ATP9B: variants seen among roughly 807,000 people sequenced by gnomAD.
ATP9B encodes the protein probable phospholipid-transporting ATPase IIB.
Under a neutral mutation model 146.1 loss-of-function variants are expected in ATP9B, and 110 were observed. That is an observed-to-expected ratio of 0.75 (90% CI 0.65 to 0.88). ATP9B has a LOEUF of 0.88. Among genes scored for constraint, ATP9B ranks in the 40% least tolerant of loss-of-function variants. The pLI, the probability that ATP9B is intolerant of heterozygous loss-of-function variation, is 0.00. For synonymous variants in ATP9B, 604 were observed against 569.7 expected, an observed-to-expected ratio of 1.06 and a Z score of -0.86; for missense variants, 1,499 against 1,496.4, an observed-to-expected ratio of 1.00 and a Z score of -0.03.
intron 4 of ATP9B, among the ~76,000 whole-genome samples, chr18:79,122,509 T>C (rs553035528): frequency 4.6e-5 from 7 of 152,332 alleles, no homozygotes; most frequent in Non-Finnish European, 1.0e-4. Context: ...CAAGGAAATA[T>C]AGCATTTCAT....
chr18:79,100,237 T>G (rs1396024466), intron 2 of ATP9B, among the ~76,000 whole-genome samples: 1 of 152,242 alleles, frequency 6.6e-6, no homozygotes, highest in African/African-American at 2.4e-5. Flanking sequence ...ATAATTTGTA[T>G]TTTTCAGTTG....
chr18:79,164,559 CA>C (rs919892688), intron 7 of ATP9B, among the ~76,000 whole-genome samples: 37 of 148,368 alleles, frequency 2.5e-4, no homozygotes, highest in East Asian at 2.0e-3. Flanking sequence ...ACTAAAAATA[CA>C]AAAAAAAAAT....
chr18:79,157,891 C>G (rs923451785), intron 7 of ATP9B, among the ~76,000 whole-genome samples: 1 of 151,888 alleles, frequency 6.6e-6, no homozygotes, highest in Non-Finnish European at 1.5e-5. Context: ...TTGAACTCTT[C>G]TCTCTTTTTT....
At chr18:79,280,477 G>A (rs910956124) in intron 13 of ATP9B, among the ~76,000 whole-genome samples, 3 of 152,170 alleles carry the variant, frequency 2.0e-5, no homozygotes, top group African/African-American at 7.2e-5. Flanking sequence ...CAAAATGTTT[G>A]TGTACTTAAT....
chr18:79,359,452 ACCTCACCAAGGTACGGG>A lies in ATP9B; in HGVS notation c.3008_3012+12del, dbSNP rs754658512. On this transcript the variant is annotated splice_donor_variant and splice_donor_5th_base_variant and coding_sequence_variant and intron_variant, in exon 26 of 30. Coordinates refer to ENST00000426216, the MANE Select transcript of ATP9B (RefSeq NM_198531.5). LOFTEE classifies it high-confidence loss of function. ...ATGCTCTACCCGGAGCTGTACAAGG[ACCTCACCAAGGTACGGG>A]CCTCAGGCAAGCTGTCTGCCTCACG... is the stretch of plus-strand genomic sequence containing the variant. The A allele has an allele frequency of 3.1e-6, 5 of 1,613,434 alleles. No homozygotes were observed. Among genetic ancestry groups the A allele is most frequent in the Non-Finnish European group, 4.2e-6 (5 of 1,179,460 alleles).
intron 2 of ATP9B, among the ~76,000 whole-genome samples, chr18:79,099,771 C>T: frequency 6.6e-6 from 1 of 151,688 alleles, no homozygotes; most frequent in Non-Finnish European, 1.5e-5. Flanking sequence ...CTGTTTTTTG[C>T]AGTTATTTTT....
chr18:79,154,204 G>T (rs11872480), intron 6 of ATP9B, among the ~76,000 whole-genome samples: 1 of 151,046 alleles, frequency 6.6e-6, no homozygotes, highest in Non-Finnish European at 1.5e-5. Flanking sequence ...CTCATGATCC[G>T]CCTGCCTCGG....
intron 25 of ATP9B, among the ~76,000 whole-genome samples, chr18:79,348,943 C>T (rs565865643): frequency 6.6e-6 from 1 of 152,334 alleles, no homozygotes; most frequent in African/African-American, 2.4e-5. Context: ...AAGATCGTGC[C>T]ATTGCACTCC....
chr18:79,376,374 T>C (rs2097103411), intron 29 of ATP9B: 4 of 984,674 alleles, frequency 4.1e-6, no homozygotes, highest in Non-Finnish European at 4.8e-6. Flanking sequence ...TTGGTGACAT[T>C]AGTCATCTGC....
intron 10 of ATP9B, 94 bp downstream of exon 10, chr18:79,207,106 C>A: frequency 8.1e-7 from 1 of 1,236,658 alleles, no homozygotes; most frequent in South Asian, 1.3e-5. Context: ...CTCACAGTGC[C>A]CTGAAATATT....
chr18:79,094,706 T>C (rs2074640671), intron 1 of ATP9B, among the ~76,000 whole-genome samples: 1 of 152,238 alleles, frequency 6.6e-6, no homozygotes, highest in Non-Finnish European at 1.5e-5. Context: ...TTGTGGGCAA[T>C]GCAGATAGAG....
At chr18:79,113,414 A>C in intron 4 of ATP9B, 60 bp downstream of exon 4, 1 of 1,064,678 alleles carries the variant, frequency 9.4e-7, no homozygotes, top group Non-Finnish European at 1.4e-6. Context: ...TAGTTTTAAG[A>C]GTTGAGATGG....
chr18:79,230,612 G>A (rs917764555), intron 11 of ATP9B, among the ~76,000 whole-genome samples: 2 of 152,052 alleles, frequency 1.3e-5, no homozygotes, highest in African/African-American at 2.4e-5. Context: ...GCTCATGGAT[G>A]GGTAGAATCA....
At chr18:79,224,924 AAG>A (rs1299806505) in intron 11 of ATP9B, among the ~76,000 whole-genome samples, 1 of 152,184 alleles carries the variant, frequency 6.6e-6, no homozygotes, top group African/African-American at 2.4e-5. Flanking sequence ...ACTGGGAGAA[AAG>A]GGCGACCTGT....
At chr18:79,180,465 G>T (rs555498618) in intron 8 of ATP9B, among the ~76,000 whole-genome samples, 33 of 152,272 alleles carry the variant, frequency 2.2e-4, no homozygotes, top group African/African-American at 6.7e-4. Flanking sequence ...CACAGTAGAT[G>T]CCCATGGCTT....
chr18:79,140,862 C>T (rs565716800), intron 5 of ATP9B, among the ~76,000 whole-genome samples: 1 of 152,182 alleles, frequency 6.6e-6, no homozygotes, highest in South Asian at 2.1e-4. Flanking sequence ...ATTTGTTGTT[C>T]ATGGGAACAA....
intron 6 of ATP9B, 102 bp from the exon 7 acceptor site, chr18:79,154,402 A>G: frequency 1.3e-6 from 1 of 768,644 alleles, no homozygotes; most frequent in Non-Finnish European, 2.1e-6. Flanking sequence ...TTTTAATTAT[A>G]TTATCTTAGT....
chr18:79,157,418 A>AAAAAAAAAAC (rs1568297350), intron 7 of ATP9B, among the ~76,000 whole-genome samples: 2 of 150,636 alleles, frequency 1.3e-5, no homozygotes, highest in East Asian at 1.9e-4. Flanking sequence ...AAAAAAAAAA[A>AAAAAAAAAAC]AAAAAACATG....
intron 7 of ATP9B, among the ~76,000 whole-genome samples, chr18:79,163,104 T>TA (rs1222679593): frequency 6.6e-6 from 1 of 152,224 alleles, no homozygotes; most frequent in Non-Finnish European, 1.5e-5. Flanking sequence ...TGCTTTCTGT[T>TA]AAAAAATTAT....
Sources: gnomAD v4.1 joint callset for allele counts (sites outside exome capture counted in the v4.1 genomes callset) on GRCh38, gnomAD v4.1.1 for gene constraint, MANE v1.5 for transcripts, NCBI Gene and HGNC (gene_info 2026-07-23, HGNC 2026-07-21) for gene names.